The following CMIP variants were observed in gnomAD, a reference collection of about 807,000 sequenced individuals.
The protein encoded by CMIP is c-Maf inducing protein.
CMIP carries 13 observed loss-of-function variants against 97.3 expected under a neutral mutation model. That is an observed-to-expected ratio of 0.13 (90% CI 0.09 to 0.21). The LOEUF (loss-of-function observed/expected upper bound fraction) is 0.21. CMIP is among the 10% of genes least tolerant of loss of function. The pLI is 1.00. For missense variants in CMIP, 847 were observed against 1,024.9 expected (o/e 0.83, Z 2.37); for synonymous variants, 538 against 436.3 (o/e 1.23, Z -2.91).
Position 81,711,518 on chromosome 16 carries a change from C to T in CMIP, c.*1719C>T, listed in dbSNP as rs1022627173. ...AGTTGTTTGGTTTTCTTTTCTTTCCCCCCTCCGGTCCCATACTTCACAGCA... is the reference window on the plus strand; with the variant it reads ...AGTTGTTTGGTTTTCTTTTCTTTCCTCCCTCCGGTCCCATACTTCACAGCA... On this transcript the variant is annotated 3_prime_UTR_variant, in exon 21 of 21. Coordinates refer to ENST00000537098, the MANE Select transcript of CMIP (RefSeq NM_198390.3). 2.7e-5 allele frequency: 4 copies of T among 150,268 alleles called. No individual in the cohort carries two copies. The highest frequency in any genetic ancestry group is 7.3e-5 in the African/African-American group (3 of 40,822). The allele number at this position is 150,268 out of a possible 1,614,324, so 9.3% of individuals were successfully genotyped here. A position where few individuals can be genotyped will look rare whatever the true frequency, so the allele number is the denominator to read the frequency against.
intron 1 of CMIP, among the ~76,000 whole-genome samples, chr16:81,539,124 G>C (rs1445258434): frequency 6.6e-6 from 1 of 152,190 alleles, no homozygotes; most frequent in Non-Finnish European, 1.5e-5. Context: ...ATATTAGCTG[G>C]GGATATCCCT....
At chr16:81,582,395 C>G (rs2091311022) in intron 1 of CMIP, among the ~76,000 whole-genome samples, 1 of 152,160 alleles carries the variant, frequency 6.6e-6, no homozygotes, top group African/African-American at 2.4e-5. Context: ...ACTTATCAGA[C>G]TGAGCTTGAG....
rs574166545 is a variant in CMIP at position 81,709,268 on chromosome 16, A to G, written c.2269-478A>G. Among the ~76,000 whole-genome samples the G allele has an allele frequency of 7.9e-5, 12 of 152,328 alleles. No individual in the cohort carries two copies. In the South Asian group the frequency reaches 1.9e-3, roughly 24 times the overall value. The stretch of plus-strand genomic sequence containing the variant: ...TGATAACGATGAGAATATCACTAAC[A>G]GTAAAAATGAGAACAATTTCCTTTC... On this transcript the variant is annotated intron_variant, in intron 20 of 20. Coordinates refer to ENST00000537098, the MANE Select transcript of CMIP (RefSeq NM_198390.3).
Position 81,449,684 on chromosome 16 carries a change from C to T in CMIP, c.300+4143C>T, listed in dbSNP as rs541773422. On this transcript the variant is annotated intron_variant, in intron 1 of 20. Coordinates refer to ENST00000537098, the MANE Select transcript of CMIP (RefSeq NM_198390.3). ...CACACAGATTTCCCCCCCCCCCTTTCCATGCCATTTGTCATAGGAGGATTT... is the reference window on the plus strand; with the variant it reads ...CACACAGATTTCCCCCCCCCCCTTTTCATGCCATTTGTCATAGGAGGATTT... Among the ~76,000 whole-genome samples, 976 of 145,854 alleles carry T rather than the reference C, an allele frequency of 6.7e-3. 2 individuals carry two copies. The highest frequency in any genetic ancestry group is 0.011 in the Non-Finnish European group (711 of 67,398).
At chr16:81,692,859 A>G (rs971951640) in intron 11 of CMIP, among the ~76,000 whole-genome samples, 1 of 152,180 alleles carries the variant, frequency 6.6e-6, no homozygotes, top group African/African-American at 2.4e-5. Flanking sequence ...CGGAGCCCAC[A>G]TGCACCCACA....
intron 1 of CMIP, among the ~76,000 whole-genome samples, chr16:81,513,255 A>G (rs1178567771): frequency 2.6e-5 from 4 of 152,216 alleles, no homozygotes; most frequent in Admixed American, 6.5e-5. Flanking sequence ...CACCAGACCC[A>G]GAGTGTGGGG....
At chr16:81,629,415 A>G (rs1280888223) in intron 3 of CMIP, among the ~76,000 whole-genome samples, 1 of 152,106 alleles carries the variant, frequency 6.6e-6, no homozygotes, top group African/African-American at 2.4e-5. Flanking sequence ...CACTCTATAC[A>G]GTGACCCTCC....
intron 1 of CMIP, among the ~76,000 whole-genome samples, chr16:81,451,513 A>C (rs1371098918): frequency 6.6e-6 from 1 of 152,098 alleles, no homozygotes; most frequent in African/African-American, 2.4e-5. Context: ...TACTGAATGG[A>C]GTTGTCTCTA....
intron 1 of CMIP, among the ~76,000 whole-genome samples, chr16:81,457,992 C>T (rs1906666981): frequency 6.6e-6 from 1 of 152,200 alleles, no homozygotes; most frequent in African/African-American, 2.4e-5. Flanking sequence ...CTCAGGACTT[C>T]AGAGATCTGG....
intron 1 of CMIP, among the ~76,000 whole-genome samples, chr16:81,489,679 C>A (rs772672151): frequency 6.6e-6 from 1 of 152,178 alleles, no homozygotes; most frequent in Admixed American, 6.5e-5. Context: ...TTATGGAGCC[C>A]CCCTCCCTTC....
intron 1 of CMIP, among the ~76,000 whole-genome samples, chr16:81,538,201 G>A (rs970439744): frequency 1.3e-5 from 2 of 152,210 alleles, no homozygotes; most frequent in African/African-American, 4.8e-5. Flanking sequence ...AGTCAAGAGG[G>A]GCTAAGGCCT....
chr16:81,701,318 G>T (rs1279833243), intron 15 of CMIP, among the ~76,000 whole-genome samples: 4 of 152,186 alleles, frequency 2.6e-5, no homozygotes, highest in African/African-American at 9.7e-5. Context: ...ACTGGGGAGA[G>T]AGAGGTGTCT....
At chr16:81,485,034 G>T (rs2089294312) in intron 1 of CMIP, among the ~76,000 whole-genome samples, 1 of 152,116 alleles carries the variant, frequency 6.6e-6, no homozygotes. Flanking sequence ...AATTACTTGA[G>T]GAGCTTAAAA....
intron 3 of CMIP, among the ~76,000 whole-genome samples, chr16:81,625,161 G>A (rs532403228): frequency 2.6e-5 from 4 of 152,294 alleles, no homozygotes; most frequent in Admixed American, 6.5e-5. Flanking sequence ...CAGCCCTCCC[G>A]GCCTGGCCTC....
rs544242568 is a variant in CMIP, at chr16:81,672,047, C to G, written c.1011C>G (p.Ser337=). 170 of 1,602,910 alleles carry G rather than the reference C, an allele frequency of 1.1e-4. 2 individuals are homozygous for G. In the South Asian group the frequency reaches 1.8e-3, roughly 17 times the overall value. Residue 337 remains serine, a synonymous_variant, in exon 9 of 21, where the codon TCC becomes TCG. Transcript: ENST00000537098. ...LVAVCLAAIY[S]CYEEFINSRD... is the part of the protein sequence containing the mutation. ...CCGTGTGCCTGGCTGCCATCTACTCCTGCTATGAAGAGTTCATCAACAGGT... is the reference window on the plus strand; with the variant it reads ...CCGTGTGCCTGGCTGCCATCTACTCGTGCTATGAAGAGTTCATCAACAGGT...
At chr16:81,671,136 A>C (rs952855094) in intron 8 of CMIP, among the ~76,000 whole-genome samples, 1 of 152,126 alleles carries the variant, frequency 6.6e-6, no homozygotes, top group Non-Finnish European at 1.5e-5. Context: ...GACTCTTCTC[A>C]TGTTTTAAGA....
At chr16:81,684,839 C>A (rs998142036) in intron 10 of CMIP, among the ~76,000 whole-genome samples, 4 of 152,200 alleles carry the variant, frequency 2.6e-5, no homozygotes, top group Admixed American at 2.6e-4. Context: ...CCTAGGTGGG[C>A]AGTCAGGTCG....
chr16:81,445,201 G>T lies in CMIP; in HGVS notation c.-41G>T. On this transcript the variant is annotated 5_prime_UTR_variant, in exon 1 of 21. Coordinates refer to ENST00000537098, the MANE Select transcript of CMIP (RefSeq NM_198390.3). ...CCCGCCGCCCCAGCAGCCCAGGACA[G>T]CCCCCTCTCCCCGCCCCCAGCCCCC... 7.2e-7 allele frequency: 1 copy of T among 1,380,502 alleles called. No homozygotes were observed. The highest frequency in any genetic ancestry group is 9.6e-7 in the Non-Finnish European group (1 of 1,037,400). The allele number at this position is 1,380,502 out of a possible 1,614,324, so 85.5% of individuals were successfully genotyped here.
At chr16:81,565,234 G>C (rs1209323868) in intron 1 of CMIP, among the ~76,000 whole-genome samples, 1 of 152,198 alleles carries the variant, frequency 6.6e-6, no homozygotes, top group Non-Finnish European at 1.5e-5. Context: ...CAGATGGATA[G>C]GAGGCTTGTA....
Sources: gnomAD v4.1 joint callset for allele counts (sites outside exome capture counted in the v4.1 genomes callset) on GRCh38, gnomAD v4.1.1 for gene constraint, MANE v1.5 for transcripts, NCBI Gene and HGNC (gene_info 2026-07-23, HGNC 2026-07-21) for gene names.